Variants in ADHFE1 observed in about 807,000 individuals in gnomAD.
ADHFE1 encodes the protein hydroxyacid-oxoacid transhydrogenase, mitochondrial.
ADHFE1 carries 37 observed loss-of-function variants against 54.8 expected under a neutral mutation model. The ratio of observed to expected loss-of-function variants is 0.68; its 90% CI spans 0.52 to 0.89. The LOEUF (loss-of-function observed/expected upper bound fraction) is 0.89. ADHFE1 is among the 40% of genes least tolerant of loss of function. The pLI is 0.00. For synonymous variants in ADHFE1, 203 were observed against 229.3 expected (o/e 0.89, Z 1.04); for missense variants, 601 against 591.2 (o/e 1.02, Z -0.17).
At chr8:66,463,729 G>A (rs985154296) in intron 13 of ADHFE1, among the ~76,000 whole-genome samples, 1 of 152,176 alleles carries the variant, frequency 6.6e-6, no homozygotes, top group Non-Finnish European at 1.5e-5. Flanking sequence ...GTAGTGAGAA[G>A]AATATACTGG....
In ADHFE1 at chr8:66,439,591, G is replaced by C; in HGVS notation, c.60-571G>C. On this transcript the variant is annotated intron_variant, in intron 1 of 13. Transcript: ENST00000396623. This position sits in a 1 kb window ranked among gnomAD's most constrained non-coding sequence, Gnocchi z 4.4. The stretch of plus-strand genomic sequence containing the variant: ...GGAGCGGCGCGGCGGGGACGGAGGA[G>C]AGCTCGGAGCCCGGGGCTGCAACTG... 1.0e-6 allele frequency: 1 copy of C among 986,076 alleles called. No homozygotes were observed. 61.1% of individuals were successfully genotyped at this position (986,076 alleles called of 1,614,324 possible).
At chr8:66,448,832 C>T (rs1277839519) in intron 7 of ADHFE1, 33 bp from the exon 8 acceptor site, 2 of 1,574,234 alleles carry the variant, frequency 1.3e-6, no homozygotes, top group East Asian at 2.2e-5. Context: ...ATGCCCATGG[C>T]TTTAGCCTCT....
chr8:66,438,441 G>A (rs1312456393), intron 1 of ADHFE1, among the ~76,000 whole-genome samples: 1 of 152,146 alleles, frequency 6.6e-6, no homozygotes, highest in African/African-American at 2.4e-5. Flanking sequence ...ATTAGAGGAA[G>A]CCCAGACAAG....
intron 3 of ADHFE1, among the ~76,000 whole-genome samples, chr8:66,444,065 G>C (rs1193053319): frequency 1.3e-5 from 2 of 152,160 alleles, no homozygotes; most frequent in Non-Finnish European, 2.9e-5. Flanking sequence ...TAAGACATTT[G>C]AGAGTTATTT....
chr8:66,454,207 A>C (rs1269706640), intron 10 of ADHFE1, 50 bp downstream of exon 10: 3 of 1,582,246 alleles, frequency 1.9e-6, no homozygotes, highest in East Asian at 2.2e-5. Flanking sequence ...TGCTTTAAAA[A>C]ATTTTTAATG....
chr8:66,437,322 C>T (rs1490153221), intron 1 of ADHFE1, among the ~76,000 whole-genome samples: 1 of 151,928 alleles, frequency 6.6e-6, no homozygotes, highest in Non-Finnish European at 1.5e-5. Context: ...AGAGGGGCTG[C>T]GATTTAGGGA....
intron 10 of ADHFE1, among the ~76,000 whole-genome samples, chr8:66,454,403 ATTCTTT>A (rs1402729577): frequency 6.6e-6 from 1 of 151,922 alleles, no homozygotes; most frequent in Non-Finnish European, 1.5e-5. Context: ...TCCTAAATGT[ATTCTTT>A]TTCTTTTTTT....
At chr8:66,453,964 T>C (rs988713482) in intron 9 of ADHFE1, 95 bp from the exon 10 acceptor site, 4 of 1,548,336 alleles carry the variant, frequency 2.6e-6, no homozygotes, top group Admixed American at 2.1e-5. Flanking sequence ...TAGCATTTCT[T>C]TTTTTTTCAC....
chr8:66,467,015 C>T (rs1240732746), intron 13 of ADHFE1, among the ~76,000 whole-genome samples: 1 of 116,112 alleles, frequency 8.6e-6, no homozygotes, highest in Admixed American at 9.3e-5. Context: ...TGGTAGGATT[C>T]AGTTTATACT....
chr8:66,468,279 C>T lies in ADHFE1; in HGVS notation c.1331C>T (p.Thr444Ile). ...CATTTACTGTTTCAGGAAAGGGTCACCAAGCTTGCACCCTGTCCCCAGTCA... is the reference window on the plus strand; with the variant it reads ...CATTTACTGTTTCAGGAAAGGGTCATCAAGCTTGCACCCTGTCCCCAGTCA... ...VKGTLPQERV[T>I]KLAPCPQSEE... Residue 444 changes from threonine to isoleucine, a missense_variant, in exon 14 of 14, where the codon ACC becomes ATC. Transcript: ENST00000396623. The T allele has an allele frequency of 6.2e-7, 1 of 1,612,362 alleles. No homozygotes were observed. Among genetic ancestry groups the T allele is most frequent in the Non-Finnish European group, 8.5e-7 (1 of 1,179,298 alleles).
chr8:66,450,466 A>T (rs1176997544), intron 8 of ADHFE1, among the ~76,000 whole-genome samples: 1 of 152,246 alleles, frequency 6.6e-6, no homozygotes, highest in Non-Finnish European at 1.5e-5. Context: ...CTGAAGGTGG[A>T]CAAGCCATGT....
intron 7 of ADHFE1, 48 bp downstream of exon 7, chr8:66,447,389 C>A (rs767320431): frequency 9.4e-6 from 13 of 1,379,398 alleles, no homozygotes; most frequent in Non-Finnish European, 1.2e-5. Flanking sequence ...CAACTCCACA[C>A]TCTTCTTTAA....
chr8:66,439,307 T>A lies in ADHFE1; in HGVS notation c.60-855T>A, dbSNP rs1210586342. 2 of 984,348 alleles carry A rather than the reference T, an allele frequency of 2.0e-6. No individual in the cohort carries two copies. The highest frequency in any genetic ancestry group is 2.4e-6 in the Non-Finnish European group (2 of 829,794). 61.0% of individuals were successfully genotyped at this position (984,348 alleles called of 1,614,324 possible). A position where few individuals can be genotyped will look rare whatever the true frequency, so the allele number is the denominator to read the frequency against. ...ACCGAGACCCAACCACTGGACAAGGTCTTCTGGGCAACCCAACGAAACATA... is the reference window on the plus strand; with the variant it reads ...ACCGAGACCCAACCACTGGACAAGGACTTCTGGGCAACCCAACGAAACATA... On this transcript the variant is annotated intron_variant, in intron 1 of 13. Transcript: ENST00000396623. This position sits in a 1 kb window ranked among gnomAD's most constrained non-coding sequence, Gnocchi z 4.4.
rs1219663306 is a variant in ADHFE1 at position 66,468,377 on chromosome 8, C to T, written c.*25C>T. ...ATTGTCATTTTAACTGAAAGAATTA[C>T]CGCTGGCCATTGTAGTGCTGAGAGC... On this transcript the variant is annotated 3_prime_UTR_variant, in exon 14 of 14. Transcript: ENST00000396623. The T allele has an allele frequency of 4.9e-5, 78 of 1,592,572 alleles. No homozygotes were observed. Among genetic ancestry groups the T allele is most frequent in the Non-Finnish European group, 6.6e-5 (77 of 1,164,828 alleles).
At chr8:66,464,843 G>C (rs1026123432) in intron 13 of ADHFE1, among the ~76,000 whole-genome samples, 1 of 152,036 alleles carries the variant, frequency 6.6e-6, no homozygotes, top group African/African-American at 2.4e-5. Flanking sequence ...CAAACAAGTG[G>C]TGTGTCTGTT....
intron 9 of ADHFE1, among the ~76,000 whole-genome samples, chr8:66,453,246 C>T (rs1331058070): frequency 6.6e-6 from 1 of 152,108 alleles, no homozygotes; most frequent in Admixed American, 6.6e-5. Flanking sequence ...GAATAAGGAA[C>T]TAACATGGGG....
intron 4 of ADHFE1, 68 bp from the exon 5 acceptor site, chr8:66,444,526 G>T (rs776127081): frequency 1.2e-6 from 2 of 1,608,116 alleles, no homozygotes; most frequent in Non-Finnish European, 1.7e-6. Context: ...AATGTACAAC[G>T]TGAGTTTGCC....
chr8:66,453,842 T>G, intron 9 of ADHFE1: 167 of 1,438,360 alleles, frequency 1.2e-4, no homozygotes, highest in East Asian at 5.2e-4. Context: ...GCTGACAGCG[T>G]ATTTATTATG....
chr8:66,447,477 A>C, intron 7 of ADHFE1, 136 bp downstream of exon 7: 1 of 703,494 alleles, frequency 1.4e-6, no homozygotes, highest in South Asian at 2.0e-5. Flanking sequence ...CAAGGTGACG[A>C]AAGTCAGCAA....
Sources: allele counts gnomAD v4.1 joint callset (sites outside exome capture counted in the v4.1 genomes callset), GRCh38; gene constraint gnomAD v4.1.1; non-coding constraint Gnocchi (gnomAD v3.1); transcripts MANE v1.5; gene names NCBI Gene and HGNC (gene_info 2026-07-23, HGNC 2026-07-21).